Variants in LINGO2 observed in about 807,000 individuals in gnomAD.
The protein encoded by LINGO2 is leucine-rich repeat and immunoglobulin-like domain-containing nogo receptor-interacting protein 2.
A neutral mutation model predicts 30.6 loss-of-function variants in LINGO2; 14 were observed. The observed-to-expected ratio is 0.46, with a 90% confidence interval of 0.30 to 0.72. LINGO2 has a LOEUF of 0.72. Ranked by LOEUF, LINGO2 falls within the 30% of genes least tolerant of loss-of-function variation. The pLI is 0.07. For synonymous variants in LINGO2, 317 were observed against 288.5 expected, an observed-to-expected ratio of 1.10 and a Z score of -1.00; for missense variants, 729 against 751.7, an observed-to-expected ratio of 0.97 and a Z score of 0.35.
intron 1 of LINGO2, among the ~76,000 whole-genome samples, chr9:28,506,281 A>C (rs1469156711): frequency 1.3e-5 from 2 of 150,942 alleles, no homozygotes; most frequent in African/African-American, 4.9e-5. Context: ...TAAGATGTGA[A>C]TATTATACTC....
chr9:28,804,235 T>G, the LINGO2 span, among the ~76,000 whole-genome samples: 1 of 152,084 alleles, frequency 6.6e-6, no homozygotes, highest in South Asian at 2.1e-4. Flanking sequence ...CTTCAGACCT[T>G]TATATACAGT....
intron 4 of LINGO2, among the ~76,000 whole-genome samples, chr9:28,091,058 T>C (rs1180890543): frequency 3.9e-5 from 6 of 151,944 alleles, no homozygotes; most frequent in Non-Finnish European, 8.8e-5. Flanking sequence ...CTCAACGAAA[T>C]AAAAGAGGAC....
intron 1 of LINGO2, among the ~76,000 whole-genome samples, chr9:28,638,487 C>T (rs141109990): frequency 2.0e-5 from 3 of 152,128 alleles, no homozygotes; most frequent in Non-Finnish European, 2.9e-5. Flanking sequence ...ATTATTGCCA[C>T]AATTTCAGAG....
chr9:29,145,882 C>A, the LINGO2 span, among the ~76,000 whole-genome samples: 4 of 151,990 alleles, frequency 2.6e-5, no homozygotes, highest in African/African-American at 9.7e-5. Context: ...TAAACACACA[C>A]AAAGATATGT....
chr9:28,463,291 C>T (rs1014244202), intron 2 of LINGO2, among the ~76,000 whole-genome samples: 3 of 151,976 alleles, frequency 2.0e-5, no homozygotes, highest in African/African-American at 7.2e-5. Flanking sequence ...TTTATCAAAT[C>T]TCTTTTGTCT....
the LINGO2 span, among the ~76,000 whole-genome samples, chr9:28,862,357 T>G: frequency 8.0e-6 from 1 of 125,688 alleles, no homozygotes; most frequent in South Asian, 2.8e-4. Flanking sequence ...TAAATTAGAG[T>G]AGCAAGATAT....
At chr9:28,765,090 T>C in the LINGO2 span, among the ~76,000 whole-genome samples, 2 of 152,026 alleles carry the variant, frequency 1.3e-5, no homozygotes, top group African/African-American at 4.8e-5. Context: ...CTACAAATTC[T>C]ATGCAATCCT....
At chr9:28,346,606 A>G (rs116761580) in intron 3 of LINGO2, among the ~76,000 whole-genome samples, 5,035 of 152,194 alleles carry the variant, frequency 0.033, 289 homozygotes, top group African/African-American at 0.12. Context: ...TGTTTCAGGA[A>G]TTGCCACGCT....
At chr9:28,888,164 T>A in the LINGO2 span, among the ~76,000 whole-genome samples, 1 of 152,098 alleles carries the variant, frequency 6.6e-6, no homozygotes, top group East Asian at 1.9e-4. Flanking sequence ...CTCACTAATG[T>A]AGGATACACA....
chr9:28,576,712 A>AT (rs200372390), intron 1 of LINGO2, among the ~76,000 whole-genome samples: 2,537 of 152,208 alleles, frequency 0.017, 42 homozygotes, highest in Non-Finnish European at 0.025. Flanking sequence ...AGATATTGCT[A>AT]TTTTTTTCCA....
chr9:28,873,832 G>A, the LINGO2 span, among the ~76,000 whole-genome samples: 1 of 151,736 alleles, frequency 6.6e-6, no homozygotes, highest in African/African-American at 2.4e-5. Flanking sequence ...CTGTAGAAGA[G>A]CATAATGTAA....
intron 4 of LINGO2, among the ~76,000 whole-genome samples, chr9:28,050,878 A>C (rs568270185): frequency 6.6e-6 from 1 of 151,214 alleles, no homozygotes; most frequent in African/African-American, 2.4e-5. Flanking sequence ...AAGTTGAAAG[A>C]GTAATAAATA....
At chr9:29,108,026 G>A in the LINGO2 span, among the ~76,000 whole-genome samples, 1 of 152,028 alleles carries the variant, frequency 6.6e-6, no homozygotes, top group Non-Finnish European at 1.5e-5. Flanking sequence ...GATAACACTA[G>A]CACCTGAGAA....
At chr9:28,967,353 T>C in the LINGO2 span, among the ~76,000 whole-genome samples, 24 of 152,290 alleles carry the variant, frequency 1.6e-4, no homozygotes, top group South Asian at 5.0e-3. Context: ...AAAGTCAGTG[T>C]TGGAGAATAC....
rs750929375 is a variant in LINGO2 at position 28,129,304 on chromosome 9, C to A, written c.-86-116899G>T. Among the ~76,000 whole-genome samples, 3 of 152,076 alleles carry A rather than the reference C, an allele frequency of 2.0e-5. No homozygotes were observed. Among genetic ancestry groups the A allele is most frequent in the Non-Finnish European group, 4.4e-5 (3 of 68,022 alleles). On this transcript the variant is annotated intron_variant, in intron 4 of 5. Transcript: ENST00000379992. This position sits in a 1 kb window ranked among gnomAD's most constrained non-coding sequence, Gnocchi z 4.0. The stretch of plus-strand genomic sequence containing the variant: ...ATACATATATCCTATTAGTTGTATC[C>A]CTCTGGAGAACCCTGACTAATACAC...
Position 28,207,349 on chromosome 9 carries a change from C to G in LINGO2, c.-87+87859G>C, listed in dbSNP as rs187510264. ...AATATCATTTAGGATTCTTAAAATA[C>G]CAATCTCACAATCTTCTGTTACTTT... On this transcript the variant is annotated intron_variant, in intron 4 of 5. Coordinates refer to ENST00000379992, the Ensembl canonical transcript of LINGO2. Among the ~76,000 whole-genome samples, 292 of 152,112 alleles carry G rather than the reference C, an allele frequency of 1.9e-3. 3 individuals are homozygous for G. In the East Asian group the frequency reaches 0.043, roughly 23 times the overall value.
chr9:28,368,725 T>C (rs1335845779), intron 3 of LINGO2, among the ~76,000 whole-genome samples: 1 of 151,646 alleles, frequency 6.6e-6, no homozygotes, highest in Non-Finnish European at 1.5e-5. Context: ...GCCTCGCGAG[T>C]AGCTGGGACT....
chr9:28,237,125 G>GT (rs139724262), intron 4 of LINGO2, among the ~76,000 whole-genome samples: 14 of 137,140 alleles, frequency 1.0e-4, no homozygotes, highest in Middle Eastern at 4.3e-3. Flanking sequence ...TGCGGGGGGG[G>GT]GGTAAAGTTA....
intron 4 of LINGO2, among the ~76,000 whole-genome samples, chr9:28,095,464 A>G (rs1826217101): frequency 6.6e-6 from 1 of 152,098 alleles, no homozygotes; most frequent in Non-Finnish European, 1.5e-5. Flanking sequence ...TGGGGAAAGG[A>G]TTCCCTATTT....
Sources: gnomAD v4.1 joint callset for allele counts (sites outside exome capture counted in the v4.1 genomes callset) on GRCh38, gnomAD v4.1.1 for gene constraint, Gnocchi (gnomAD v3.1) non-coding constraint, MANE v1.5 for transcripts, NCBI Gene and HGNC (gene_info 2026-07-23, HGNC 2026-07-21) for gene names.